CYP7B1: variants seen among roughly 807,000 people sequenced by gnomAD.
The protein encoded by CYP7B1 is cytochrome P450 7B1.
In CYP7B1, 29 loss-of-function variants were observed where a neutral mutation model predicts 42.7. The observed-to-expected ratio is 0.68, with a 90% CI of 0.51 to 0.93. The LOEUF is 0.93. Among genes scored for constraint, CYP7B1 ranks in the 40% least tolerant of loss-of-function variants. The probability of loss-of-function intolerance (pLI) is 0.00; values close to 1 mark genes in which losing one functional copy is unlikely to be tolerated. For synonymous variants in CYP7B1, 235 were observed against 218.2 expected (o/e 1.08, Z -0.68); for missense variants, 655 against 600.5 (o/e 1.09, Z -0.95).
At chr8:64,623,982 G>C (rs1435651981) in intron 2 of CYP7B1, among the ~76,000 whole-genome samples, 1 of 152,058 alleles carries the variant, frequency 6.6e-6, no homozygotes, top group African/African-American at 2.4e-5. Context: ...GATACAATCA[G>C]GGAAACTGTG....
At chr8:64,722,770 T>A (rs970522411) in intron 1 of CYP7B1, among the ~76,000 whole-genome samples, 3 of 150,192 alleles carry the variant, frequency 2.0e-5, no homozygotes, top group Admixed American at 6.6e-5. Context: ...GAGGTTTTTT[T>A]TTATTATTAT....
At chr8:64,728,383 G>T (rs1807353279) in intron 1 of CYP7B1, among the ~76,000 whole-genome samples, 2 of 152,202 alleles carry the variant, frequency 1.3e-5, no homozygotes, top group Admixed American at 6.5e-5. Flanking sequence ...TAGAGAGCAA[G>T]TCTCAGGCCA....
intron 1 of CYP7B1, among the ~76,000 whole-genome samples, chr8:64,765,309 G>A (rs888431971): frequency 2.6e-5 from 4 of 152,162 alleles, no homozygotes; most frequent in Non-Finnish European, 5.9e-5. Flanking sequence ...AGACATAAAG[G>A]AAGTTCACAT....
At chr8:64,716,222 T>A (rs1807152379) in intron 1 of CYP7B1, among the ~76,000 whole-genome samples, 1 of 152,238 alleles carries the variant, frequency 6.6e-6, no homozygotes, top group Non-Finnish European at 1.5e-5. Context: ...TAAGAACTTC[T>A]TTGTGATATA....
intron 1 of CYP7B1, among the ~76,000 whole-genome samples, chr8:64,693,015 A>G (rs1299709937): frequency 6.6e-6 from 1 of 152,232 alleles, no homozygotes; most frequent in Non-Finnish European, 1.5e-5. Flanking sequence ...GGCTTTGCCA[A>G]GTGTCCCAGC....
chr8:64,768,811 AT>A (rs1804155213), intron 1 of CYP7B1, among the ~76,000 whole-genome samples: 1 of 152,194 alleles, frequency 6.6e-6, no homozygotes, highest in Non-Finnish European at 1.5e-5. Flanking sequence ...ACCATTAAAA[AT>A]ACTAAGCCAA....
chr8:64,708,010 A>C (rs778318688), intron 1 of CYP7B1, among the ~76,000 whole-genome samples: 23 of 152,114 alleles, frequency 1.5e-4, no homozygotes, highest in Non-Finnish European at 2.5e-4. Context: ...CTTTTGCAAT[A>C]TCAGGATATG....
chr8:64,708,490 A>C (rs964868947), intron 1 of CYP7B1, among the ~76,000 whole-genome samples: 1 of 152,184 alleles, frequency 6.6e-6, no homozygotes, highest in African/African-American at 2.4e-5. Flanking sequence ...TATGAGTACA[A>C]ATTTTTTTAA....
intron 4 of CYP7B1, among the ~76,000 whole-genome samples, chr8:64,612,823 T>A (rs1479908003): frequency 6.6e-6 from 1 of 152,170 alleles, no homozygotes; most frequent in Non-Finnish European, 1.5e-5. Context: ...ACAAGAAGGA[T>A]AAGCACATAC....
At chr8:64,612,769 T>A (rs982837225) in intron 4 of CYP7B1, among the ~76,000 whole-genome samples, 4 of 152,168 alleles carry the variant, frequency 2.6e-5, no homozygotes, top group Non-Finnish European at 4.4e-5. Flanking sequence ...AACTTTTTTT[T>A]AAGACATTGC....
intron 1 of CYP7B1, among the ~76,000 whole-genome samples, chr8:64,740,136 C>T (rs375908682): frequency 2.0e-5 from 3 of 152,178 alleles, no homozygotes; most frequent in African/African-American, 7.2e-5. Flanking sequence ...TCCTCTCAAG[C>T]TTACAGAGAA....
chr8:64,786,486 C>T (rs1804529287), intron 1 of CYP7B1, among the ~76,000 whole-genome samples: 1 of 152,218 alleles, frequency 6.6e-6, no homozygotes, highest in South Asian at 2.1e-4. Context: ...CCAAAATAAT[C>T]TCTGTTGACT....
rs1173341823 is a variant in CYP7B1, at chr8:64,616,041, G to T, written c.500C>A (p.Pro167His). 3.1e-6 allele frequency: 5 copies of T among 1,613,590 alleles called. No individual in the cohort carries two copies. The South Asian group carries it at 4.4e-5, about 14-fold the overall frequency. Residue 167 changes from proline to histidine, a missense_variant, in exon 3 of 6, where the codon CCC becomes CAC. Transcript: ENST00000310193. ...MMQNLKQVFE[P>H]QLLKTTSWDT... is the part of the protein sequence containing the mutation. ...CCAACTTGTGGTTTTTAACAGCTGG[G>T]GTTCAAAAACTTGTTTTAGATTCTG...
chr8:64,687,069 A>G lies in CYP7B1; in HGVS notation c.123-62530T>C, dbSNP rs1457171673. 2.0e-5 allele frequency among the ~76,000 whole-genome samples: 3 copies of G among 147,352 alleles called. No homozygotes were observed. The East Asian group carries it at 6.0e-4, about 30-fold the overall frequency. On this transcript the variant is annotated intron_variant, in intron 1 of 5. Coordinates refer to ENST00000310193, the MANE Select transcript of CYP7B1 (RefSeq NM_004820.5). ...TTTATCTGCTGACCTTCCCTCCACT[A>G]TTGTCCCATGACCCTGCCAAATCCC...
At chr8:64,737,789 T>C (rs1807511565) in intron 1 of CYP7B1, among the ~76,000 whole-genome samples, 1 of 152,216 alleles carries the variant, frequency 6.6e-6, no homozygotes, top group South Asian at 2.1e-4. Flanking sequence ...TGTTTTTGTT[T>C]GTTTGGTTTT....
At chr8:64,673,020 G>C (rs1806389437) in intron 1 of CYP7B1, among the ~76,000 whole-genome samples, 3 of 152,000 alleles carry the variant, frequency 2.0e-5, no homozygotes, top group African/African-American at 7.3e-5. Context: ...AAAGGCAAGG[G>C]AGAAAAAAAG....
chr8:64,601,354 G>A (rs1805199670), intron 5 of CYP7B1, among the ~76,000 whole-genome samples: 1 of 152,068 alleles, frequency 6.6e-6, no homozygotes, highest in African/African-American at 2.4e-5. Context: ...ATAATGCATT[G>A]CCATCTTAAA....
chr8:64,741,412 C>A (rs1437863894), intron 1 of CYP7B1, among the ~76,000 whole-genome samples: 2 of 152,048 alleles, frequency 1.3e-5, no homozygotes, highest in Non-Finnish European at 2.9e-5. Context: ...CTTCACCTCC[C>A]GAATTCAAGT....
At position 64,616,224 on chromosome 8, in the gene CYP7B1, T is replaced by C. The variant is rs886985554; in HGVS notation, c.317A>G (p.His106Arg). ...AAATACTCGAAAGCTTAATTGTTTA[T>C]GATTTTTTATCACTAGCTGGTACTG... ...PFQYQLVIKN[H>R]KQLSFRVFSN... The change falls in exon 3 of 6, where the codon CAT becomes CGT. Residue 106 changes from histidine (H) to arginine (R), a missense_variant. Coordinates refer to ENST00000310193, the MANE Select transcript of CYP7B1 (RefSeq NM_004820.5). 10 of 1,610,434 alleles carry C rather than the reference T, an allele frequency of 6.2e-6. No individual in the cohort carries two copies. The highest frequency in any genetic ancestry group is 3.4e-4 in the Middle Eastern group (2 of 5,956).
Sources: gnomAD v4.1 joint callset for allele counts (sites outside exome capture counted in the v4.1 genomes callset) on GRCh38, gnomAD v4.1.1 for gene constraint, MANE v1.5 for transcripts, NCBI Gene and HGNC (gene_info 2026-07-23, HGNC 2026-07-21) for gene names.